The following GABRR1 variants were observed in gnomAD, a reference collection of about 807,000 sequenced individuals.
GABRR1 encodes the protein gamma-aminobutyric acid receptor subunit rho-1.
Under a neutral mutation model 55.5 loss-of-function variants are expected in GABRR1, and 59 were observed. That is an observed-to-expected ratio of 1.06 (90% CI 0.86 to 1.32). The LOEUF (loss-of-function observed/expected upper bound fraction) is 1.32. Ranked by LOEUF, GABRR1 falls within the 40% of genes most tolerant of loss-of-function variation. The probability of loss-of-function intolerance (pLI) is 0.00; values close to 1 mark genes in which losing one functional copy is unlikely to be tolerated. For missense variants in GABRR1, 602 were observed against 619.1 expected (o/e 0.97, Z 0.29); for synonymous variants, 213 against 226.0 (o/e 0.94, Z 0.51).
intron 1 of GABRR1, among the ~76,000 whole-genome samples, chr6:89,223,334 G>A (rs147423211): frequency 1.3e-3 from 201 of 152,260 alleles, no homozygotes; most frequent in African/African-American, 4.5e-3. Context: ...TTCACTTAGA[G>A]TAATATTCTC....
intron 1 of GABRR1, among the ~76,000 whole-genome samples, chr6:89,228,768 A>C (rs1488159645): frequency 1.3e-5 from 2 of 151,460 alleles, no homozygotes; most frequent in Non-Finnish European, 2.9e-5. Context: ...AGTTCTGTAG[A>C]TGTCTATTAG....
intron 5 of GABRR1, among the ~76,000 whole-genome samples, chr6:89,193,265 C>T (rs553621926): frequency 9.7e-4 from 147 of 152,294 alleles, no homozygotes; most frequent in African/African-American, 2.7e-3. Context: ...TTGAAGTAAT[C>T]AATGAATGAA....
intron 6 of GABRR1, among the ~76,000 whole-genome samples, chr6:89,187,973 T>C (rs775114788): frequency 9.2e-5 from 14 of 152,220 alleles, no homozygotes; most frequent in Non-Finnish European, 1.0e-4. Context: ...TCAATTCTTT[T>C]GGTTATTTAC....
chr6:89,210,276 C>T (rs1238380925), intron 1 of GABRR1, among the ~76,000 whole-genome samples: 1 of 149,700 alleles, frequency 6.7e-6, no homozygotes, highest in Non-Finnish European at 1.5e-5. Flanking sequence ...TCACTGCAGC[C>T]TCGACCTCCC....
chr6:89,180,967 A>C (rs1771701258), intron 8 of GABRR1, among the ~76,000 whole-genome samples: 1 of 152,208 alleles, frequency 6.6e-6, no homozygotes, highest in Non-Finnish European at 1.5e-5. Flanking sequence ...GGGCACCCCC[A>C]GCAGCCACCA....
At chr6:89,186,414 G>A (rs949402852) in intron 6 of GABRR1, among the ~76,000 whole-genome samples, 1 of 152,242 alleles carries the variant, frequency 6.6e-6, no homozygotes, top group African/African-American at 2.4e-5. Flanking sequence ...CTTCCTGGAA[G>A]AAGAAATCCC....
chr6:89,190,759 G>A (rs756202887), intron 5 of GABRR1, among the ~76,000 whole-genome samples: 4 of 152,114 alleles, frequency 2.6e-5, no homozygotes, highest in Admixed American at 6.5e-5. Flanking sequence ...TCTACTAGTG[G>A]GCATATGTGT....
chr6:89,204,166 T>G (rs1022930754), intron 1 of GABRR1, among the ~76,000 whole-genome samples: 1 of 152,190 alleles, frequency 6.6e-6, no homozygotes, highest in African/African-American at 2.4e-5. Flanking sequence ...TCTGCCCACA[T>G]CTCTTCGAAT....
intron 9 of GABRR1, among the ~76,000 whole-genome samples, chr6:89,179,377 G>A (rs1771647316): frequency 6.6e-6 from 1 of 152,078 alleles, no homozygotes; most frequent in Non-Finnish European, 1.5e-5. Flanking sequence ...ACACCACCAT[G>A]CCAGGCTAAT....
At chr6:89,209,264 T>A (rs896900422) in intron 1 of GABRR1, among the ~76,000 whole-genome samples, 28 of 151,952 alleles carry the variant, frequency 1.8e-4, no homozygotes, top group Non-Finnish European at 3.7e-4. Flanking sequence ...GGTTACTTTA[T>A]TTTTTTTAAT....
chr6:89,197,619 G>T (rs1413838406), intron 5 of GABRR1, among the ~76,000 whole-genome samples: 1 of 152,244 alleles, frequency 6.6e-6, no homozygotes, highest in Non-Finnish European at 1.5e-5. Context: ...GGAGAGAAAG[G>T]AGAGAAAACA....
chr6:89,206,738 C>T (rs1485620327), intron 1 of GABRR1, among the ~76,000 whole-genome samples: 1 of 151,924 alleles, frequency 6.6e-6, no homozygotes, highest in African/African-American at 2.4e-5. Context: ...GCCTCAGCCT[C>T]CCAAGTAGCT....
intron 6 of GABRR1, among the ~76,000 whole-genome samples, chr6:89,187,386 A>T (rs976980327): frequency 6.6e-6 from 1 of 152,222 alleles, no homozygotes; most frequent in Non-Finnish European, 1.5e-5. Context: ...AAATACAGCC[A>T]TTCTTATGGT....
intron 5 of GABRR1, among the ~76,000 whole-genome samples, chr6:89,197,177 G>T (rs940940789): frequency 2.0e-5 from 3 of 152,208 alleles, no homozygotes; most frequent in Admixed American, 2.0e-4. Context: ...GACTCCATAG[G>T]TTTATAAGTC....
chr6:89,201,278 A>G lies in GABRR1; in HGVS notation c.174-13T>C, dbSNP rs1772463617. 1.9e-6 allele frequency: 3 copies of G among 1,571,548 alleles called. No homozygotes were observed. The highest frequency in any genetic ancestry group is 2.6e-6 in the Non-Finnish European group (3 of 1,141,582). ...TCTCAGAATTGGGCTGCCAAGGGGG[A>G]AGAAACCAGGCTGATCATATATTCC... is the stretch of plus-strand genomic sequence containing the variant. On this transcript the variant is annotated splice_polypyrimidine_tract_variant and intron_variant, in intron 2 of 9. Transcript: ENST00000454853.
intron 1 of GABRR1, chr6:89,204,635 T>C (rs2127802018): frequency 7.8e-7 from 1 of 1,284,012 alleles, no homozygotes; most frequent in Non-Finnish European, 1.0e-6. Context: ...CAGTCACTGA[T>C]GAAAGGAGGT....
chr6:89,194,939 G>A (rs184434355), intron 5 of GABRR1, among the ~76,000 whole-genome samples: 51 of 152,274 alleles, frequency 3.3e-4, no homozygotes, highest in Middle Eastern at 3.4e-3. Flanking sequence ...TCAAGACAGA[G>A]CTGAGCAACA....
intron 1 of GABRR1, among the ~76,000 whole-genome samples, chr6:89,213,729 A>G (rs1214102954): frequency 6.6e-6 from 1 of 152,260 alleles, no homozygotes; most frequent in Non-Finnish European, 1.5e-5. Context: ...TGCATGGCAT[A>G]ATTCCAAACT....
Position 89,181,981 on chromosome 6 carries a change from G to T in GABRR1, c.873C>A (p.Pro291=). The change falls in exon 8 of 10, where the codon CCC becomes CCA. Residue 291 remains proline (P), a synonymous_variant. Coordinates refer to ENST00000454853, the MANE Select transcript of GABRR1 (RefSeq NM_002042.5). ...AGGACAGCATGACCATCAGGGTAGCGGGGAAATAAGTTTGGAGCAAGAAGA... is the reference window on the plus strand; with the variant it reads ...AGGACAGCATGACCATCAGGGTAGCTGGGAAATAAGTTTGGAGCAAGAAGA... ...IFFFLLQTYF[P]ATLMVMLSWV... The T allele has an allele frequency of 6.2e-7, 1 of 1,614,130 alleles. No individual in the cohort carries two copies. The highest frequency in any genetic ancestry group is 1.1e-5 in the South Asian group (1 of 91,072).
Sources: allele counts gnomAD v4.1 joint callset (sites outside exome capture counted in the v4.1 genomes callset), GRCh38; gene constraint gnomAD v4.1.1; transcripts MANE v1.5; gene names NCBI Gene and HGNC (gene_info 2026-07-23, HGNC 2026-07-21).